Variants in TRERF1 observed in about 807,000 individuals in gnomAD.
TRERF1 encodes transcriptional-regulating factor 1.
A neutral mutation model predicts 122.9 loss-of-function variants in TRERF1; 27 were observed. That is an observed-to-expected ratio of 0.22 (90% CI 0.16 to 0.30). The LOEUF (loss-of-function observed/expected upper bound fraction) is 0.30. Among genes scored for constraint, TRERF1 ranks in the 10% least tolerant of loss-of-function variants. The pLI is 1.00. For missense variants in TRERF1, 1,248 were observed against 1,560.3 expected (o/e 0.80, Z 3.37); for synonymous variants, 636 against 641.7 (o/e 0.99, Z 0.13).
In TRERF1 at chr6:42,315,618, A is replaced by AG. The variant is rs1762340105; in HGVS notation, c.-370-14870dup. Among the ~76,000 whole-genome samples the AG allele has an allele frequency of 2.0e-5, 3 of 151,930 alleles. No individual in the cohort carries two copies. The South Asian group carries it at 6.2e-4, about 32-fold the overall frequency. On this transcript the variant is annotated intron_variant, in intron 3 of 17. Transcript: ENST00000372922. ...AGTAGAGACAAAGGAGGTCAAATGA[A>AG]GGGGGGCCATCGGGCTGTCTTCTAG...
intron 3 of TRERF1, among the ~76,000 whole-genome samples, 174 bp from the exon 4 acceptor site, chr6:42,300,923 G>A (rs1481667291): frequency 1.3e-5 from 2 of 152,164 alleles, no homozygotes; most frequent in Non-Finnish European, 2.9e-5. Flanking sequence ...ATTTCCAAAG[G>A]CCTGCAATGT....
intron 8 of TRERF1, among the ~76,000 whole-genome samples, chr6:42,262,433 GCAGA>G (rs1778137215): frequency 1.7e-4 from 2 of 11,780 alleles, no homozygotes; most frequent in African/African-American, 8.3e-4. Flanking sequence ...TTCCCTAGGG[GCAGA>G]GAGAGAGAGA....
At chr6:42,315,137 G>A (rs984918731) in intron 3 of TRERF1, among the ~76,000 whole-genome samples, 1 of 152,152 alleles carries the variant, frequency 6.6e-6, no homozygotes, top group Non-Finnish European at 1.5e-5. Flanking sequence ...CATTATGTAG[G>A]GTAGTGGTCT....
intron 3 of TRERF1, among the ~76,000 whole-genome samples, chr6:42,318,527 T>A (rs1425939182): frequency 6.6e-6 from 1 of 152,176 alleles, no homozygotes; most frequent in East Asian, 1.9e-4. Flanking sequence ...CAGGCTCTAG[T>A]TAGGCACTGG....
At chr6:42,302,983 A>G (rs1246088452) in intron 3 of TRERF1, among the ~76,000 whole-genome samples, 1 of 152,238 alleles carries the variant, frequency 6.6e-6, no homozygotes, top group Non-Finnish European at 1.5e-5. Flanking sequence ...AGCTAGACTC[A>G]GGGCTTCTAA....
intron 4 of TRERF1, among the ~76,000 whole-genome samples, chr6:42,291,710 T>G (rs9471834): frequency 0.36 from 54,703 of 150,782 alleles, 10,156 homozygotes; most frequent in East Asian, 0.45. Context: ...TTTTTTTTTT[T>G]TGTGTGTGTA....
At chr6:42,283,575 C>T (rs1226382563) in intron 4 of TRERF1, among the ~76,000 whole-genome samples, 1 of 131,998 alleles carries the variant, frequency 7.6e-6, no homozygotes, top group Non-Finnish European at 1.6e-5. Flanking sequence ...ACATTACTTA[C>T]AAAAAAAACC....
intron 2 of TRERF1, among the ~76,000 whole-genome samples, chr6:42,417,183 C>A (rs1415936818): frequency 6.6e-6 from 1 of 152,166 alleles, no homozygotes; most frequent in African/African-American, 2.4e-5. Flanking sequence ...CTGCCCACCC[C>A]ATCTCCAATG....
At chr6:42,403,633 T>C (rs911205153) in intron 2 of TRERF1, among the ~76,000 whole-genome samples, 10 of 152,178 alleles carry the variant, frequency 6.6e-5, no homozygotes, top group Non-Finnish European at 2.9e-5. Flanking sequence ...ATCCGGTATG[T>C]AGTACTTTGT....
intron 5 of TRERF1, among the ~76,000 whole-genome samples, chr6:42,266,338 G>A (rs947730778): frequency 3.3e-5 from 5 of 151,940 alleles, no homozygotes; most frequent in Non-Finnish European, 7.4e-5. Flanking sequence ...ACAGGTGTGC[G>A]CCACAACACC....
At chr6:42,335,570 T>C (rs1207143015) in intron 3 of TRERF1, among the ~76,000 whole-genome samples, 1 of 152,214 alleles carries the variant, frequency 6.6e-6, no homozygotes, top group Non-Finnish European at 1.5e-5. Flanking sequence ...TGCTTCCACA[T>C]GGTTCTGGAT....
At position 42,298,863 on chromosome 6, in the gene TRERF1, C is replaced by T. The variant is rs544528943; in HGVS notation, c.-259+1775G>A. 3.3e-5 allele frequency among the ~76,000 whole-genome samples: 5 copies of T among 152,112 alleles called. No homozygotes were observed. The East Asian group carries it at 9.7e-4, about 29-fold the overall frequency. The stretch of plus-strand genomic sequence containing the variant: ...ACTCAGGCAGGAGAACTGCTTGAGC[C>T]CAGGAGGTGCAGGTTGCAGGGAGCC... On this transcript the variant is annotated intron_variant, in intron 4 of 17. Transcript: ENST00000372922.
chr6:42,311,216 T>A (rs946067873), intron 3 of TRERF1, among the ~76,000 whole-genome samples: 1 of 152,010 alleles, frequency 6.6e-6, no homozygotes, highest in Non-Finnish European at 1.5e-5. Context: ...GTATGATGAA[T>A]GTTATGAAGG....
chr6:42,259,286 C>T lies in TRERF1; in HGVS notation c.2269+53G>A. On this transcript the variant is annotated intron_variant, in intron 9 of 17. Transcript: ENST00000372922. This position sits in a 1 kb window ranked among gnomAD's most constrained non-coding sequence, Gnocchi z 4.9. Reference sequence around the variant, plus strand: ...GAAAGCTAAAGAAAACGAGATGTCCCAGGACTTTACCCAGCACCCAGAGCC... The same window carrying T: ...GAAAGCTAAAGAAAACGAGATGTCCTAGGACTTTACCCAGCACCCAGAGCC... 6.8e-7 allele frequency: 1 copy of T among 1,470,886 alleles called. No homozygotes were observed. The highest frequency in any genetic ancestry group is 8.9e-7 in the Non-Finnish European group (1 of 1,119,614). 91.1% of individuals were successfully genotyped at this position (1,470,886 alleles called of 1,614,324 possible). A position where few individuals can be genotyped will look rare whatever the true frequency, so the allele number is the denominator to read the frequency against.
chr6:42,383,889 CA>C, intron 2 of TRERF1, among the ~76,000 whole-genome samples: 1 of 152,056 alleles, frequency 6.6e-6, no homozygotes, highest in Admixed American at 6.5e-5. Flanking sequence ...AAAAGAAATA[CA>C]AATTAAAACT....
Position 42,232,745 on chromosome 6 carries a change from A to G in TRERF1, c.3214T>C (p.Ser1072Pro). The G allele has an allele frequency of 6.2e-7, 1 of 1,610,478 alleles. No homozygotes were observed. Among genetic ancestry groups the G allele is most frequent in the Non-Finnish European group, 8.5e-7 (1 of 1,176,980 alleles). ...GTCTCGCCGCTGGTGGTGCTGTGAG[A>G]GGGTGAGCTCTTTACCGAACAGTAC... The change falls in exon 17 of 18, where the codon TCT (serine) becomes CCT (proline). Residue 1072 changes from serine to proline, a missense_variant. Physicochemically the swap from Ser to Pro is moderately conservative, Grantham distance 74 (BLOSUM62 -1). This residue lies in a region of TRERF1 where 159 missense variants were observed against 221.7 expected (regional missense o/e 0.72). Coordinates refer to ENST00000372922, the Ensembl canonical transcript of TRERF1. The surrounding 1 kb of genome is among the most constrained non-coding windows in gnomAD (Gnocchi z 4.5).
intron 2 of TRERF1, among the ~76,000 whole-genome samples, chr6:42,399,033 C>T (rs999587418): frequency 6.6e-6 from 1 of 152,112 alleles, no homozygotes; most frequent in East Asian, 1.9e-4. Flanking sequence ...CACCACCTGC[C>T]GCCTGGAAAA....
At chr6:42,382,976 T>A (rs1776209811) in intron 2 of TRERF1, among the ~76,000 whole-genome samples, 1 of 152,152 alleles carries the variant, frequency 6.6e-6, no homozygotes, top group African/African-American at 2.4e-5. Context: ...TGAGAACCAC[T>A]GCTTTGTGTT....
intron 4 of TRERF1, among the ~76,000 whole-genome samples, chr6:42,291,230 T>G (rs192628212): frequency 6.6e-6 from 1 of 152,292 alleles, no homozygotes; most frequent in Non-Finnish European, 1.5e-5. Flanking sequence ...CTGCGGTGCC[T>G]CTTGTCCTCC....
Sources: gnomAD v4.1 joint callset for allele counts (sites outside exome capture counted in the v4.1 genomes callset) on GRCh38, gnomAD v4.1.1 for gene constraint, gnomAD v4.1.1 regional missense constraint, Gnocchi (gnomAD v3.1) non-coding constraint, MANE v1.5 for transcripts, NCBI Gene and HGNC (gene_info 2026-07-23, HGNC 2026-07-21) for gene names.